Variants in LRMDA observed in about 807,000 individuals in gnomAD.
LRMDA encodes leucine-rich melanocyte differentiation-associated protein.
In LRMDA, 18 loss-of-function variants were observed where a neutral mutation model predicts 29.8. That is an observed-to-expected ratio of 0.60 (90% CI 0.42 to 0.90). LRMDA has a LOEUF of 0.90. LRMDA is among the 40% of genes least tolerant of loss of function. LRMDA has a pLI of 0.00. For missense variants in LRMDA, 273 were observed against 273.9 expected (o/e 1.00, Z 0.02); for synonymous variants, 125 against 109.4 (o/e 1.14, Z -0.89).
chr10:75,560,915 G>A (rs895780393), intron 2 of LRMDA, among the ~76,000 whole-genome samples: 3 of 151,910 alleles, frequency 2.0e-5, no homozygotes, highest in African/African-American at 7.3e-5. Flanking sequence ...GCTTTTTGAT[G>A]TGCTGCTGGA....
chr10:76,305,909 ATTTTTG>A (rs1840549438), intron 5 of LRMDA, among the ~76,000 whole-genome samples: 2 of 152,156 alleles, frequency 1.3e-5, no homozygotes, highest in African/African-American at 2.4e-5. Flanking sequence ...AGGAGAAAAG[ATTTTTG>A]GGGGTTATTT....
intron 6 of LRMDA, among the ~76,000 whole-genome samples, chr10:76,409,049 G>C (rs1841931279): frequency 6.6e-6 from 1 of 152,126 alleles, no homozygotes; most frequent in Admixed American, 6.5e-5. Context: ...AGACTCCAAG[G>C]AGGCCCTATG....
intron 2 of LRMDA, among the ~76,000 whole-genome samples, chr10:75,856,811 A>T (rs1647670273): frequency 6.6e-6 from 1 of 152,152 alleles, no homozygotes; most frequent in Non-Finnish European, 1.5e-5. Flanking sequence ...TATTCAACAT[A>T]GTGTTGGAAG....
intron 4 of LRMDA, among the ~76,000 whole-genome samples, chr10:76,049,595 T>G (rs1299177478): frequency 2.0e-5 from 3 of 152,224 alleles, no homozygotes; most frequent in Non-Finnish European, 4.4e-5. Flanking sequence ...GATATGTGCT[T>G]GATATAGTTC....
chr10:76,060,956 A>G (rs778406399), intron 5 of LRMDA, among the ~76,000 whole-genome samples: 1 of 152,264 alleles, frequency 6.6e-6, no homozygotes, highest in Non-Finnish European at 1.5e-5. Flanking sequence ...TGTGGAAAGC[A>G]GTATGGCAAT....
intron 6 of LRMDA, among the ~76,000 whole-genome samples, chr10:76,371,067 G>A (rs774431697): frequency 3.3e-5 from 5 of 152,190 alleles, no homozygotes; most frequent in Non-Finnish European, 7.3e-5. Context: ...ATTCCAAGAT[G>A]AGATGCTAGA....
chr10:76,347,596 G>A (rs1021488236), intron 6 of LRMDA, among the ~76,000 whole-genome samples: 1 of 152,140 alleles, frequency 6.6e-6, no homozygotes, highest in African/African-American at 2.4e-5. Flanking sequence ...GTACTTACAT[G>A]CCTCTGGGGA....
chr10:75,604,892 TAG>T (rs1165186280), intron 2 of LRMDA, among the ~76,000 whole-genome samples: 3 of 152,244 alleles, frequency 2.0e-5, no homozygotes, highest in Non-Finnish European at 2.9e-5. Flanking sequence ...TCTTTTTTAA[TAG>T]AGCCCCAACC....
chr10:76,506,737 G>A (rs1049040756), intron 6 of LRMDA, among the ~76,000 whole-genome samples: 7 of 150,908 alleles, frequency 4.6e-5, no homozygotes, highest in Non-Finnish European at 8.9e-5. Flanking sequence ...TTTTCTTTTT[G>A]TGCCTGGCTT....
At chr10:76,462,762 A>G (rs944573193) in intron 6 of LRMDA, among the ~76,000 whole-genome samples, 3 of 152,184 alleles carry the variant, frequency 2.0e-5, no homozygotes, top group Non-Finnish European at 4.4e-5. Flanking sequence ...CCAGCTACTC[A>G]GTGCCTCCCA....
chr10:76,066,878 G>C (rs1024462717), intron 5 of LRMDA, among the ~76,000 whole-genome samples: 3 of 152,218 alleles, frequency 2.0e-5, no homozygotes, highest in Admixed American at 2.0e-4. Context: ...GCATCCCTGG[G>C]TATCTGGGAG....
chr10:75,942,025 C>T (rs921416693), intron 2 of LRMDA, among the ~76,000 whole-genome samples: 1 of 152,064 alleles, frequency 6.6e-6, no homozygotes, highest in Non-Finnish European at 1.5e-5. Context: ...GTAATCACAG[C>T]GTGTAGGGTT....
chr10:76,131,257 T>G (rs1849987890), intron 5 of LRMDA, among the ~76,000 whole-genome samples: 1 of 152,136 alleles, frequency 6.6e-6, no homozygotes, highest in South Asian at 2.1e-4. Flanking sequence ...TTTCCTATTG[T>G]ATCCTTGTCT....
At chr10:76,422,149 AC>A (rs2132521739) in intron 6 of LRMDA, among the ~76,000 whole-genome samples, 1 of 152,092 alleles carries the variant, frequency 6.6e-6, no homozygotes, top group Non-Finnish European at 1.5e-5. Flanking sequence ...AATTTTGTCC[AC>A]CAAGACTTAT....
chr10:76,018,026 A>C (rs184232575), intron 2 of LRMDA, among the ~76,000 whole-genome samples: 1 of 152,200 alleles, frequency 6.6e-6, no homozygotes, highest in African/African-American at 2.4e-5. Context: ...CTCTTCCACC[A>C]CTGTGGGGGC....
chr10:76,212,269 A>ACAT (rs533888320), intron 5 of LRMDA, among the ~76,000 whole-genome samples: 74 of 135,370 alleles, frequency 5.5e-4, no homozygotes, highest in Admixed American at 1.7e-3. Context: ...ACACACACAT[A>ACAT]AAAAAAAAAA....
In LRMDA at chr10:75,467,143, C is replaced by T. The variant is rs928168095; in HGVS notation, c.131+28649C>T. 2.0e-5 allele frequency among the ~76,000 whole-genome samples: 3 copies of T among 152,126 alleles called. No homozygotes were observed. In the South Asian group the frequency reaches 6.2e-4, roughly 31 times the overall value. On this transcript the variant is annotated intron_variant, in intron 2 of 6. Transcript: ENST00000611255. ...CAAGTACGACGACGTGGACATATGG[C>T]AGTCGGCCCATCCTGGAGGGGGTGG...
At chr10:75,571,827 A>C (rs1470667297) in intron 2 of LRMDA, among the ~76,000 whole-genome samples, 1 of 152,160 alleles carries the variant, frequency 6.6e-6, no homozygotes, top group Non-Finnish European at 1.5e-5. Context: ...AGATCTAGAG[A>C]CTTGACACTG....
intron 6 of LRMDA, among the ~76,000 whole-genome samples, chr10:76,430,684 A>G (rs376898889): frequency 2.7e-4 from 41 of 152,292 alleles, no homozygotes; most frequent in African/African-American, 9.6e-4. Flanking sequence ...CTGCTCTGTA[A>G]AAGAAAATAT....
Sources: allele counts gnomAD v4.1 joint callset (sites outside exome capture counted in the v4.1 genomes callset), GRCh38; gene constraint gnomAD v4.1.1; transcripts MANE v1.5; gene names NCBI Gene and HGNC (gene_info 2026-07-23, HGNC 2026-07-21).